The following CNTN5 variants were observed in gnomAD, a reference collection of about 807,000 sequenced individuals.
The protein encoded by CNTN5 is contactin-5.
CNTN5 carries 77 observed loss-of-function variants against 129.1 expected under a neutral mutation model. That is an observed-to-expected ratio of 0.60 (90% CI 0.50 to 0.72). The LOEUF (loss-of-function observed/expected upper bound fraction) is 0.72, where lower values mean the gene tolerates loss of function less well. Ranked by LOEUF, CNTN5 falls within the 30% of genes least tolerant of loss-of-function variation. The pLI is 0.00. For synonymous variants in CNTN5, 509 were observed against 465.6 expected, an observed-to-expected ratio of 1.09 and a Z score of -1.20; for missense variants, 1,478 against 1,328.8, an observed-to-expected ratio of 1.11 and a Z score of -1.75.
chr11:99,696,680 C>A (rs898282202), intron 3 of CNTN5, among the ~76,000 whole-genome samples: 2 of 151,234 alleles, frequency 1.3e-5, no homozygotes, highest in Non-Finnish European at 2.9e-5. Flanking sequence ...TCCACTCTAT[C>A]ATGATTATAT....
chr11:100,274,317 G>A (rs1159118960), intron 18 of CNTN5, among the ~76,000 whole-genome samples: 2 of 152,160 alleles, frequency 1.3e-5, no homozygotes, highest in African/African-American at 2.4e-5. Context: ...AACAGGCAAA[G>A]ATTTCATGAT....
At chr11:100,232,913 T>A (rs1437404037) in intron 16 of CNTN5, among the ~76,000 whole-genome samples, 2 of 152,174 alleles carry the variant, frequency 1.3e-5, no homozygotes, top group African/African-American at 2.4e-5. Context: ...GGCTCCATAT[T>A]ATAATAATTA....
intron 3 of CNTN5, among the ~76,000 whole-genome samples, chr11:99,678,061 T>G (rs2134693652): frequency 6.6e-6 from 1 of 152,236 alleles, no homozygotes; most frequent in Admixed American, 6.5e-5. Flanking sequence ...TACTTATATG[T>G]TTTTATTTCT....
At chr11:99,532,818 C>T (rs1440317236) in intron 2 of CNTN5, among the ~76,000 whole-genome samples, 1 of 152,204 alleles carries the variant, frequency 6.6e-6, no homozygotes, top group Non-Finnish European at 1.5e-5. Context: ...TCTTTTTCCT[C>T]CCAGTCTCCA....
At chr11:99,697,768 G>A (rs952889545) in intron 3 of CNTN5, among the ~76,000 whole-genome samples, 1 of 151,692 alleles carries the variant, frequency 6.6e-6, no homozygotes, top group Non-Finnish European at 1.5e-5. Context: ...AGTGTGGGGT[G>A]TATGGGAATT....
At chr11:99,577,987 C>G (rs184229087) in intron 3 of CNTN5, among the ~76,000 whole-genome samples, 2,879 of 130,150 alleles carry the variant, frequency 0.022, 73 homozygotes, top group African/African-American at 0.051. Flanking sequence ...CCTCCCCCCA[C>G]CCCACAACAG....
At chr11:99,527,199 A>G (rs750649815) in intron 2 of CNTN5, among the ~76,000 whole-genome samples, 2 of 152,192 alleles carry the variant, frequency 1.3e-5, no homozygotes, top group Non-Finnish European at 1.5e-5. Context: ...GCTTTAGCTT[A>G]TGACTACTTT....
At chr11:99,069,445 G>C (rs1865242170) in intron 1 of CNTN5, among the ~76,000 whole-genome samples, 1 of 152,042 alleles carries the variant, frequency 6.6e-6, no homozygotes, top group African/African-American at 2.4e-5. Flanking sequence ...CCAGTGGAGA[G>C]GTCAGATTGC....
At chr11:100,273,986 A>G (rs527823903) in intron 18 of CNTN5, among the ~76,000 whole-genome samples, 73 of 152,354 alleles carry the variant, frequency 4.8e-4, no homozygotes, top group African/African-American at 1.7e-3. Flanking sequence ...ACAGCGCTAC[A>G]GTAACCAAAA....
At chr11:99,970,252 A>G (rs1237167312) in intron 8 of CNTN5, among the ~76,000 whole-genome samples, 1 of 152,200 alleles carries the variant, frequency 6.6e-6, no homozygotes, top group East Asian at 1.9e-4. Flanking sequence ...TATCCAAAAC[A>G]CACTGTCAAA....
At chr11:99,908,765 T>A (rs1229515377) in intron 6 of CNTN5, among the ~76,000 whole-genome samples, 1 of 152,154 alleles carries the variant, frequency 6.6e-6, no homozygotes, top group East Asian at 1.9e-4. Flanking sequence ...TATCACATTC[T>A]GTGGACAGTT....
chr11:100,154,013 CT>C (rs888051514), intron 13 of CNTN5, among the ~76,000 whole-genome samples: 3 of 151,882 alleles, frequency 2.0e-5, no homozygotes, highest in South Asian at 2.1e-4. Flanking sequence ...TATCACATTT[CT>C]TTTTTTATTA....
intron 13 of CNTN5, among the ~76,000 whole-genome samples, chr11:100,142,645 C>T (rs1451982853): frequency 6.6e-6 from 1 of 152,082 alleles, no homozygotes; most frequent in African/African-American, 2.4e-5. Context: ...AGACAGAAAG[C>T]TTGGCATTTT....
chr11:99,398,288 A>G (rs1941630884), intron 2 of CNTN5, among the ~76,000 whole-genome samples: 1 of 151,408 alleles, frequency 6.6e-6, no homozygotes, highest in African/African-American at 2.4e-5. Context: ...GTTTTTTCTC[A>G]CCTCTTTTCC....
At chr11:99,925,474 G>T (rs944991623) in intron 7 of CNTN5, among the ~76,000 whole-genome samples, 11 of 152,084 alleles carry the variant, frequency 7.2e-5, no homozygotes, top group African/African-American at 2.2e-4. Flanking sequence ...CTAACATATA[G>T]TATATCCAGT....
intron 13 of CNTN5, among the ~76,000 whole-genome samples, chr11:100,189,279 A>C (rs1249164001): frequency 2.0e-5 from 3 of 151,856 alleles, no homozygotes; most frequent in Admixed American, 6.6e-5. Context: ...AAAAAAAAAA[A>C]AAAACCTTGT....
At chr11:99,059,745 C>T (rs1352537394) in intron 1 of CNTN5, among the ~76,000 whole-genome samples, 1 of 151,958 alleles carries the variant, frequency 6.6e-6, no homozygotes, top group African/African-American at 2.4e-5. Context: ...GTAATAATGC[C>T]ATATATACAG....
chr11:99,673,167 A>T (rs576632348), intron 3 of CNTN5, among the ~76,000 whole-genome samples: 1 of 152,302 alleles, frequency 6.6e-6, no homozygotes, highest in East Asian at 1.9e-4. Context: ...CTATGCTTGT[A>T]GCTGTAACTC....
chr11:100,173,327 AT>A (rs1947875391), intron 13 of CNTN5, among the ~76,000 whole-genome samples: 1 of 152,022 alleles, frequency 6.6e-6, no homozygotes, highest in African/African-American at 2.4e-5. Flanking sequence ...CTACCTCCAA[AT>A]TCAAGGAAGA....
Sources: allele counts gnomAD v4.1 joint callset (sites outside exome capture counted in the v4.1 genomes callset), GRCh38; gene constraint gnomAD v4.1.1; transcripts MANE v1.5; gene names NCBI Gene and HGNC (gene_info 2026-07-23, HGNC 2026-07-21).